The following KCNN2 variants were observed in gnomAD, a reference collection of about 807,000 sequenced individuals.
The protein encoded by KCNN2 is potassium calcium-activated channel subfamily N member 2, also known as small conductance calcium-activated potassium channel protein 2.
KCNN2 carries 24 observed loss-of-function variants against 55.5 expected under a neutral mutation model. The ratio of observed to expected loss-of-function variants is 0.43; its 90% CI spans 0.31 to 0.61. The LOEUF is 0.61. Ranked by LOEUF, KCNN2 falls within the 20% of genes least tolerant of loss-of-function variation. The probability of loss-of-function intolerance (pLI) is 0.08; values close to 1 mark genes in which losing one functional copy is unlikely to be tolerated. For missense variants in KCNN2, 754 were observed against 853.6 expected (o/e 0.88, Z 1.45); for synonymous variants, 431 against 336.1 (o/e 1.28, Z -3.09).
At chr5:114,222,663 C>A (rs1754164731) in intron 2 of KCNN2, among the ~76,000 whole-genome samples, 1 of 152,136 alleles carries the variant, frequency 6.6e-6, no homozygotes, top group South Asian at 2.1e-4. Flanking sequence ...CGCAGGGAAT[C>A]ATATCCCTTG....
At chr5:114,268,339 G>A (rs570086979) in intron 2 of KCNN2, among the ~76,000 whole-genome samples, 1 of 152,132 alleles carries the variant, frequency 6.6e-6, no homozygotes, top group South Asian at 2.1e-4. Flanking sequence ...TCTAGAATTG[G>A]GCTCAAGTTC....
chr5:114,420,114 C>G (rs1311233053), intron 3 of KCNN2, among the ~76,000 whole-genome samples: 1 of 152,226 alleles, frequency 6.6e-6, no homozygotes, highest in African/African-American at 2.4e-5. Context: ...CCTTGGGTAA[C>G]ATCAGTACAA....
chr5:114,256,275 T>C (rs1327282126), intron 2 of KCNN2, among the ~76,000 whole-genome samples: 4 of 152,162 alleles, frequency 2.6e-5, no homozygotes, highest in Non-Finnish European at 4.4e-5. Context: ...TATCCAGTCA[T>C]CCACTGATGG....
intron 2 of KCNN2, among the ~76,000 whole-genome samples, chr5:114,291,529 T>G (rs1000265281): frequency 5.9e-5 from 9 of 151,682 alleles, no homozygotes; most frequent in African/African-American, 2.2e-4. Context: ...TTGTCATTTT[T>G]TATGGCTGCA....
chr5:114,074,336 G>A (rs937964593), intron 1 of KCNN2, among the ~76,000 whole-genome samples: 41 of 151,774 alleles, frequency 2.7e-4, no homozygotes, highest in Non-Finnish European at 4.3e-4. Context: ...GTGTGCGCGC[G>A]CGCGCCAGAG....
intron 2 of KCNN2, among the ~76,000 whole-genome samples, chr5:114,337,251 G>T (rs1247703090): frequency 6.6e-6 from 1 of 152,146 alleles, no homozygotes; most frequent in Non-Finnish European, 1.5e-5. Context: ...GTAAGTGGGG[G>T]TTATAAATAG....
chr5:114,265,187 T>A (rs1755185346), intron 2 of KCNN2, among the ~76,000 whole-genome samples: 1 of 152,120 alleles, frequency 6.6e-6, no homozygotes, highest in Non-Finnish European at 1.5e-5. Flanking sequence ...GCCAATCATT[T>A]GTAGATATAT....
chr5:114,430,415 A>G (rs1420660645), intron 3 of KCNN2, among the ~76,000 whole-genome samples: 1 of 152,024 alleles, frequency 6.6e-6, no homozygotes, highest in East Asian at 1.9e-4. Flanking sequence ...ATTCTATTTC[A>G]TTGCTGATAC....
At chr5:114,262,357 C>A (rs1276927151) in intron 2 of KCNN2, among the ~76,000 whole-genome samples, 1 of 152,132 alleles carries the variant, frequency 6.6e-6, no homozygotes, top group African/African-American at 2.4e-5. Flanking sequence ...AGCAACTTAG[C>A]AAATTAATGT....
At chr5:114,183,239 C>G (rs966391914) in intron 1 of KCNN2, among the ~76,000 whole-genome samples, 1 of 152,020 alleles carries the variant, frequency 6.6e-6, no homozygotes, top group African/African-American at 2.4e-5. Flanking sequence ...GGCATGAAAT[C>G]TTATCATTTT....
intron 3 of KCNN2, among the ~76,000 whole-genome samples, chr5:114,431,621 A>G (rs1759797518): frequency 6.8e-6 from 1 of 147,096 alleles, no homozygotes; most frequent in African/African-American, 2.4e-5. Context: ...CCTTTTGCTT[A>G]TCTTGGGGTT....
chr5:114,117,284 C>CGTCTTA (rs1198309451), intron 1 of KCNN2, among the ~76,000 whole-genome samples: 1 of 152,064 alleles, frequency 6.6e-6, no homozygotes, highest in African/African-American at 2.4e-5. Context: ...TTTTTCACCT[C>CGTCTTA]GTCTTACAGA....
intron 1 of KCNN2, among the ~76,000 whole-genome samples, chr5:114,207,293 A>G (rs1753796402): frequency 6.6e-6 from 1 of 152,134 alleles, no homozygotes. Flanking sequence ...TTCCCAGTGC[A>G]TTTTTGTTGA....
At chr5:114,287,583 C>T (rs1158576003) in intron 2 of KCNN2, among the ~76,000 whole-genome samples, 1 of 147,716 alleles carries the variant, frequency 6.8e-6, no homozygotes, top group African/African-American at 2.5e-5. Flanking sequence ...GAACAACACA[C>T]ATTGGGGCCT....
At chr5:114,084,644 A>G (rs544510388) in intron 1 of KCNN2, among the ~76,000 whole-genome samples, 1 of 152,026 alleles carries the variant, frequency 6.6e-6, no homozygotes, top group Non-Finnish European at 1.5e-5. Context: ...AATGTCATTC[A>G]CAGAGCAGAT....
At chr5:114,226,892 C>G (rs1184716302) in intron 2 of KCNN2, among the ~76,000 whole-genome samples, 1 of 109,172 alleles carries the variant, frequency 9.2e-6, no homozygotes, top group Non-Finnish European at 1.8e-5. Context: ...CACAGCGAGA[C>G]TCCGTCTCAA....
chr5:114,358,472 A>G (rs1051577558), upstream of KCNN2, among the ~76,000 whole-genome samples: 6 of 152,236 alleles, frequency 3.9e-5, no homozygotes, highest in African/African-American at 1.4e-4. Flanking sequence ...ATTTTTATTA[A>G]AAAGTGATGC....
At chr5:114,308,136 T>C (rs910658799) in intron 2 of KCNN2, among the ~76,000 whole-genome samples, 1 of 152,170 alleles carries the variant, frequency 6.6e-6, no homozygotes, top group Non-Finnish European at 1.5e-5. Context: ...TGTCAATTTA[T>C]CACAGCTGAG....
intron 1 of KCNN2, among the ~76,000 whole-genome samples, chr5:114,120,637 A>G (rs1056999378): frequency 6.6e-6 from 1 of 152,180 alleles, no homozygotes; most frequent in Non-Finnish European, 1.5e-5. Context: ...GCCAATTTAT[A>G]CTTTGGGAAC....
Sources: gnomAD v4.1 joint callset for allele counts (sites outside exome capture counted in the v4.1 genomes callset) on GRCh38, gnomAD v4.1.1 for gene constraint, MANE v1.5 for transcripts, NCBI Gene and HGNC (gene_info 2026-07-23, HGNC 2026-07-21) for gene names.